UTP25: variants seen among roughly 807,000 people sequenced by gnomAD.
UTP25 encodes U3 small nucleolar RNA-associated protein 25 homolog.
In UTP25, 50 loss-of-function variants were observed where a neutral mutation model predicts 78.9. The ratio of observed to expected loss-of-function variants is 0.63; its 90% CI spans 0.50 to 0.80. UTP25 has a LOEUF of 0.80. Among genes scored for constraint, UTP25 ranks in the 30% least tolerant of loss-of-function variants. The pLI is 0.00. For missense variants in UTP25, 846 were observed against 911.3 expected (o/e 0.93, Z 0.92); for synonymous variants, 329 against 336.5 (o/e 0.98, Z 0.24).
chr1:209,849,243 A>C (rs1309413169), intron 11 of UTP25, among the ~76,000 whole-genome samples: 1 of 151,818 alleles, frequency 6.6e-6, no homozygotes, highest in East Asian at 1.9e-4. Flanking sequence ...TGGCAGCCAG[A>C]CTCCACCTTT....
Position 209,857,034 on chromosome 1 carries a change from T to C in UTP25, c.*5587T>C, listed in dbSNP as rs1173082341. On this transcript the variant is annotated 3_prime_UTR_variant, in exon 12 of 12. Transcript: ENST00000491415. The stretch of plus-strand genomic sequence containing the variant: ...AAATAAGTCAGAATCCCCAATTCGA[T>C]AGAAACTTACAGGTCTTGTGATCTA... 6.6e-6 allele frequency: 1 copy of C among 152,208 alleles called. No homozygotes were observed. The highest frequency in any genetic ancestry group is 2.4e-5 in the African/African-American group (1 of 41,464). The allele number at this position is 152,208 out of a possible 1,614,324, so 9.4% of individuals were successfully genotyped here. A position where few individuals can be genotyped will look rare whatever the true frequency, so the allele number is the denominator to read the frequency against.
In UTP25 at chr1:209,855,972, C is replaced by T. The variant is rs1368356070; in HGVS notation, c.*4525C>T. On this transcript the variant is annotated 3_prime_UTR_variant, in exon 12 of 12. Coordinates refer to ENST00000491415, the MANE Select transcript of UTP25 (RefSeq NM_014388.7). The stretch of plus-strand genomic sequence containing the variant: ...CACTGACCTCTGCAGCCTCTCTCAT[C>T]TGCCAGTTTTGATTCCGCAAGGAGA... The T allele has an allele frequency of 6.6e-6, 1 of 152,408 alleles. No individual in the cohort carries two copies. The allele number at this position is 152,408 out of a possible 1,614,324, so 9.4% of individuals were successfully genotyped here.
chr1:209,853,782 TGTG>T lies in UTP25; in HGVS notation c.*2336_*2338del, dbSNP rs2078255100. On this transcript the variant is annotated 3_prime_UTR_variant, in exon 12 of 12. Coordinates refer to ENST00000491415, the MANE Select transcript of UTP25 (RefSeq NM_014388.7). ...CAGCTTCTCTGGCTCTCCACTCACA[TGTG>T]AGTCTGGATTTCAAATCCATGATGT... 6.6e-6 allele frequency: 1 copy of T among 152,240 alleles called. No homozygotes were observed. The highest frequency in any genetic ancestry group is 2.4e-5 in the African/African-American group (1 of 41,470). The allele number at this position is 152,240 out of a possible 1,614,324, so 9.4% of individuals were successfully genotyped here.
At chr1:209,843,162 G>GTGAC (rs771148172) in intron 10 of UTP25, 273 of 453,362 alleles carry the variant, frequency 6.0e-4, no homozygotes, top group African/African-American at 4.5e-3. Flanking sequence ...GAGTGACTGA[G>GTGAC]TGACTGACTG....
chr1:209,838,945 C>A lies in UTP25; in HGVS notation c.1099C>A (p.Arg367=), dbSNP rs773243113. 11 of 1,613,942 alleles carry A rather than the reference C, an allele frequency of 6.8e-6. No individual in the cohort carries two copies. The highest frequency in any genetic ancestry group is 1.1e-5 in the South Asian group (1 of 91,090). ...IVVPFREAAL[R]VVQLFISLLE... is the part of the protein sequence containing the mutation. Reference sequence around the variant, plus strand: ...GGTGCCATTCCGGGAAGCTGCTTTGCGGGTGGTGCAGCTCTTCATCAGCCT... The same window carrying A: ...GGTGCCATTCCGGGAAGCTGCTTTGAGGGTGGTGCAGCTCTTCATCAGCCT... The change falls in exon 7 of 12, where the codon CGG becomes AGG. Residue 367 remains arginine, a synonymous_variant. Transcript: ENST00000491415.
Position 209,843,606 on chromosome 1 carries a change from A to G in UTP25, c.1937A>G (p.Gln646Arg), listed in dbSNP as rs1157149456. 1.2e-5 allele frequency: 19 copies of G among 1,614,220 alleles called. No homozygotes were observed. The highest frequency in any genetic ancestry group is 1.6e-5 in the Non-Finnish European group (19 of 1,180,024). ...TTTACCCACATCTGCGAGTACACGC[A>G]GAAGTCTGGTGTCTCCAGGGCCAGA... is the stretch of plus-strand genomic sequence containing the variant. ...LNFTHICEYT[Q>R]KSGVSRARHF... The change falls in exon 11 of 12, where the codon CAG (glutamine) becomes CGG (arginine). Residue 646 changes from glutamine to arginine, a missense_variant. By Grantham distance (43) the Gln-to-Arg change is conservative. Transcript: ENST00000491415.
At chr1:209,831,105 G>T (rs868234592) in intron 3 of UTP25, 62 bp downstream of exon 3, 112 of 1,560,366 alleles carry the variant, frequency 7.2e-5, no homozygotes, top group Middle Eastern at 3.4e-4. Context: ...CATCTCATGA[G>T]CATGGTACCT....
rs1261378074 is a variant in UTP25, at chr1:209,831,000, T to A, written c.345T>A (p.Ser115Arg). The A allele has an allele frequency of 3.1e-6, 5 of 1,613,982 alleles. No homozygotes were observed. The highest frequency in any genetic ancestry group is 4.2e-6 in the Non-Finnish European group (5 of 1,179,988). ...ATGAAGATGGTGGTAGCGATGTCAGTGTGGAAGAAGAGATGGCTGCAGAGT... is the reference window on the plus strand; with the variant it reads ...ATGAAGATGGTGGTAGCGATGTCAGAGTGGAAGAAGAGATGGCTGCAGAGT... ...MNDEDGGSDVSVEEEMAAEST... is the reference protein window; with the variant it reads ...MNDEDGGSDVRVEEEMAAEST... Residue 115 changes from serine to arginine, a missense_variant, in exon 3 of 12, where the codon AGT (serine) becomes AGA (arginine). Transcript: ENST00000491415.
intron 3 of UTP25, among the ~76,000 whole-genome samples, chr1:209,831,492 C>T (rs1220450909): frequency 5.3e-5 from 8 of 152,236 alleles, no homozygotes; most frequent in Admixed American, 5.2e-4. Context: ...TGGTTGAACA[C>T]TGCCAGTGTA....
In UTP25 at chr1:209,837,136, T is replaced by C. The variant is rs771302571; in HGVS notation, c.987T>C (p.Asn329=). The C allele has an allele frequency of 3.7e-6, 6 of 1,613,948 alleles. No homozygotes were observed. Among genetic ancestry groups the C allele is most frequent in the African/African-American group, 1.3e-5 (1 of 74,890 alleles). ...CCAATGCCCAGGTGCTTGGCAACAA[T>C]AGCAGACGCCGAAGCCAGAAGTTTG... ...LKANAQVLGN[N]SRRRSQKFGV... The change falls in exon 6 of 12, where the codon AAT becomes AAC. Residue 329 remains asparagine (N), a synonymous_variant. Coordinates refer to ENST00000491415, the MANE Select transcript of UTP25 (RefSeq NM_014388.7).
At chr1:209,842,947 G>A in intron 10 of UTP25, 1 of 465,446 alleles carries the variant, frequency 2.1e-6, no homozygotes, top group Non-Finnish European at 3.8e-6. Flanking sequence ...ACTCTTGACT[G>A]TGGCATTTTA....
Position 209,852,807 on chromosome 1 carries a change from CGTT to C in UTP25, c.*1363_*1365del, listed in dbSNP as rs1367544744. ...ATGTATGCACACACATATGTACACA[CGTT>C]GTCTAAATTTGCTTCACATTAATAT... is the stretch of plus-strand genomic sequence containing the variant. On this transcript the variant is annotated 3_prime_UTR_variant, in exon 12 of 12. Transcript: ENST00000491415. 6.6e-6 allele frequency: 1 copy of C among 152,186 alleles called. No individual in the cohort carries two copies. Among genetic ancestry groups the C allele is most frequent in the African/African-American group, 2.4e-5 (1 of 41,434 alleles). The allele number at this position is 152,186 out of a possible 1,614,324, so 9.4% of individuals were successfully genotyped here. A position where few individuals can be genotyped will look rare whatever the true frequency, so the allele number is the denominator to read the frequency against.
In UTP25 at chr1:209,828,005, G is replaced by A. The variant is rs2102564676; in HGVS notation, c.-59G>A. 2 of 1,390,680 alleles carry A rather than the reference G, an allele frequency of 1.4e-6. No individual in the cohort carries two copies. The highest frequency in any genetic ancestry group is 1.2e-5 in the South Asian group (1 of 86,594). 86.1% of individuals were successfully genotyped at this position (1,390,680 alleles called of 1,614,324 possible). A position where few individuals can be genotyped will look rare whatever the true frequency, so the allele number is the denominator to read the frequency against. ...CGAGCCCACGTGCTTGTGTTGACTG[G>A]ACAACTTCCTGGTGGAAAACCGCGA... On this transcript the variant is annotated 5_prime_UTR_variant, in exon 1 of 12. Transcript: ENST00000491415.
intron 4 of UTP25, among the ~76,000 whole-genome samples, 170 bp from the exon 5 acceptor site, chr1:209,834,905 A>T (rs1181104968): frequency 6.6e-6 from 1 of 152,194 alleles, no homozygotes; most frequent in African/African-American, 2.4e-5. Flanking sequence ...GTTTTAGGAA[A>T]ATGAACCTTT....
intron 3 of UTP25, among the ~76,000 whole-genome samples, chr1:209,832,396 A>T (rs1220752071): frequency 6.6e-6 from 1 of 152,146 alleles, no homozygotes; most frequent in Non-Finnish European, 1.5e-5. Flanking sequence ...ATAGTATTCC[A>T]TTGTAAAAAT....
intron 6 of UTP25, among the ~76,000 whole-genome samples, chr1:209,837,776 T>C (rs1192646235): frequency 6.6e-6 from 1 of 152,236 alleles, no homozygotes; most frequent in Non-Finnish European, 1.5e-5. Context: ...GTCTAAGCTC[T>C]AGTGGATTTG....
rs776708760 is a variant in UTP25, at chr1:209,839,046, C to T, written c.1200C>T (p.Pro400=). 5.6e-6 allele frequency: 9 copies of T among 1,613,988 alleles called. No homozygotes were observed. The highest frequency in any genetic ancestry group is 1.1e-5 in the South Asian group (1 of 91,074). The stretch of plus-strand genomic sequence containing the variant: ...TTCAGGGAGAATATGGATCAGATCC[C>T]GAGGAGAGACCACCCAACTTGAAGA... ...KRFQGEYGSD[P]EERPPNLKRP... The change falls in exon 7 of 12, where the codon CCC becomes CCT. Residue 400 remains proline, a synonymous_variant. Transcript: ENST00000491415.
chr1:209,837,705 A>G (rs2078142129), intron 6 of UTP25, among the ~76,000 whole-genome samples: 1 of 152,230 alleles, frequency 6.6e-6, no homozygotes, highest in African/African-American at 2.4e-5. Context: ...TTTGAAAGCA[A>G]AAATTTACAT....
At position 209,852,119 on chromosome 1, in the gene UTP25, T is replaced by G. The variant is rs1218694847; in HGVS notation, c.*672T>G. On this transcript the variant is annotated 3_prime_UTR_variant, in exon 12 of 12. Transcript: ENST00000491415. ...AAGAAGTAATTTTGTTGAAACTCCA[T>G]GTTAAAATATCCATCTTCAACAGTA... The G allele has an allele frequency of 1.3e-5, 2 of 152,228 alleles. No individual in the cohort carries two copies. The highest frequency in any genetic ancestry group is 2.9e-5 in the Non-Finnish European group (2 of 68,032). The allele number at this position is 152,228 out of a possible 1,614,324, so 9.4% of individuals were successfully genotyped here.
Sources: allele counts gnomAD v4.1 joint callset (sites outside exome capture counted in the v4.1 genomes callset), GRCh38; gene constraint gnomAD v4.1.1; transcripts MANE v1.5; gene names NCBI Gene and HGNC (gene_info 2026-07-23, HGNC 2026-07-21).